LIMK2: variants seen among roughly 807,000 people sequenced by gnomAD.
The protein encoded by LIMK2 is LIM domain kinase 2.
Under a neutral mutation model 75.7 loss-of-function variants are expected in LIMK2, and 35 were observed. The ratio of observed to expected loss-of-function variants is 0.46; its 90% CI spans 0.35 to 0.61. LIMK2 has a LOEUF of 0.61. LIMK2 is among the 20% of genes least tolerant of loss of function. The pLI is 0.00. For synonymous variants in LIMK2, 301 were observed against 319.2 expected, an observed-to-expected ratio of 0.94 and a Z score of 0.61; for missense variants, 623 against 831.0, an observed-to-expected ratio of 0.75 and a Z score of 3.08.
At position 31,267,923 on chromosome 22, in the gene LIMK2, C is replaced by G; in HGVS notation, c.1260+16C>G. On this transcript the variant is annotated intron_variant, in intron 10 of 15. Transcript: ENST00000331728. ...GCGCAGTATGGTGAGCACACCACCC[C>G]ATAGTCTCCAGGAGCCTTGGTGGGT... The G allele has an allele frequency of 6.3e-7, 1 of 1,583,764 alleles. No homozygotes were observed. Among genetic ancestry groups the G allele is most frequent in the Non-Finnish European group, 8.6e-7 (1 of 1,166,918 alleles).
intron 7 of LIMK2, among the ~76,000 whole-genome samples, chr22:31,264,848 G>A (rs2048876093): frequency 6.6e-6 from 1 of 151,736 alleles, no homozygotes; most frequent in African/African-American, 2.4e-5. Context: ...CACAAGGTCA[G>A]GAGTTTGAGA....
chr22:31,243,869 T>C (rs1332219366), intron 2 of LIMK2, among the ~76,000 whole-genome samples: 1 of 152,222 alleles, frequency 6.6e-6, no homozygotes, highest in African/African-American at 2.4e-5. Flanking sequence ...CCCTTTGAAG[T>C]TGGCTCTGAG....
Position 31,268,154 on chromosome 22 carries a change from C to T in LIMK2, c.1271C>T (p.Pro424Leu). ...TTCCCCATTCTGCAGGATCCGTTCCCCTGGCAGCAGAAGGTCAGGTTTGCC... is the reference window on the plus strand; with the variant it reads ...TTCCCCATTCTGCAGGATCCGTTCCTCTGGCAGCAGAAGGTCAGGTTTGCC... Reference protein sequence around the residue: ...KDFLRSMDPFPWQQKVRFAKG... With the variant: ...KDFLRSMDPFLWQQKVRFAKG... Residue 424 changes from proline to leucine, a missense_variant, in exon 11 of 16, where the codon CCC becomes CTC. Around this residue, in one of 3 missense-constraint regions of LIMK2, gnomAD observed 514 missense variants for 661.3 expected, o/e 0.78. Coordinates refer to ENST00000331728, the MANE Select transcript of LIMK2 (RefSeq NM_005569.4). The T allele has an allele frequency of 6.2e-7, 1 of 1,614,022 alleles. No individual in the cohort carries two copies. Among genetic ancestry groups the T allele is most frequent in the Non-Finnish European group, 8.5e-7 (1 of 1,179,968 alleles).
chr22:31,256,792 A>G (rs552709761), intron 2 of LIMK2, among the ~76,000 whole-genome samples: 20 of 152,182 alleles, frequency 1.3e-4, no homozygotes, highest in African/African-American at 4.6e-4. Context: ...GCAATGTTCA[A>G]ACCTCTTGGA....
chr22:31,239,431 G>A (rs1432485722), intron 2 of LIMK2, among the ~76,000 whole-genome samples: 1 of 152,214 alleles, frequency 6.6e-6, no homozygotes, highest in South Asian at 2.1e-4. Flanking sequence ...GACCTGCTCA[G>A]CGTTATATGA....
chr22:31,254,693 T>G (rs1388430764), intron 2 of LIMK2, among the ~76,000 whole-genome samples: 5 of 152,314 alleles, frequency 3.3e-5, no homozygotes, highest in Non-Finnish European at 7.4e-5. Context: ...GCATAGTGGC[T>G]CACACCTGTA....
chr22:31,258,198 T>TC (rs1334872183), intron 2 of LIMK2, 93 bp from the exon 3 acceptor site: 5 of 1,321,236 alleles, frequency 3.8e-6, no homozygotes, highest in Non-Finnish European at 5.2e-6. Flanking sequence ...AAGAGGACTG[T>TC]CCATTTTGTT....
intron 1 of LIMK2, among the ~76,000 whole-genome samples, chr22:31,215,002 G>A (rs2048378716): frequency 6.6e-6 from 1 of 152,128 alleles, no homozygotes; most frequent in South Asian, 2.1e-4. Flanking sequence ...TTACCATGTT[G>A]CCCAGGCTGG....
At chr22:31,239,419 C>T (rs1251086747) in intron 2 of LIMK2, among the ~76,000 whole-genome samples, 1 of 152,264 alleles carries the variant, frequency 6.6e-6, no homozygotes, top group East Asian at 1.9e-4. Context: ...CTAGAGCTTA[C>T]AGACCTGCTC....
At position 31,262,060 on chromosome 22, in the gene LIMK2, T is replaced by C. The variant is rs1041600734; in HGVS notation, c.552-74T>C. On this transcript the variant is annotated intron_variant, in intron 5 of 15. Transcript: ENST00000331728. This position sits in a 1 kb window ranked among gnomAD's most constrained non-coding sequence, Gnocchi z 5.0. ...TGGTGGCCTGGGACCTGGTAAACCT[T>C]CCCTGCACAAGCAGAATTGGTCAAG... 40 of 1,255,364 alleles carry C rather than the reference T, an allele frequency of 3.2e-5. No homozygotes were observed. Among genetic ancestry groups the C allele is most frequent in the Middle Eastern group, 2.0e-4 (1 of 5,070 alleles). The allele number at this position is 1,255,364 out of a possible 1,614,324, so 77.8% of individuals were successfully genotyped here. A position where few individuals can be genotyped will look rare whatever the true frequency, so the allele number is the denominator to read the frequency against.
At chr22:31,225,066 T>A (rs2048467372) in intron 1 of LIMK2, among the ~76,000 whole-genome samples, 1 of 152,174 alleles carries the variant, frequency 6.6e-6, no homozygotes, top group East Asian at 1.9e-4. Context: ...CTTATGAGAA[T>A]CTCACTAATG....
At chr22:31,264,420 G>C (rs970553695) in intron 7 of LIMK2, among the ~76,000 whole-genome samples, 1 of 152,222 alleles carries the variant, frequency 6.6e-6, no homozygotes, top group African/African-American at 2.4e-5. Flanking sequence ...GAGAAAGTTC[G>C]CAGGGCTGTT....
At chr22:31,266,858 T>G (rs1569000123) in intron 8 of LIMK2, 126 bp from the exon 9 acceptor site, 4 of 687,620 alleles carry the variant, frequency 5.8e-6, no homozygotes, top group Non-Finnish European at 1.1e-5. Context: ...ACACATGAAC[T>G]CTGTCATTCT....
At chr22:31,213,627 G>A (rs940555543) in intron 1 of LIMK2, among the ~76,000 whole-genome samples, 1 of 152,172 alleles carries the variant, frequency 6.6e-6, no homozygotes, top group African/African-American at 2.4e-5. Context: ...TTTTTAGGCT[G>A]GGCGTGGTGG....
intron 8 of LIMK2, 71 bp downstream of exon 8, chr22:31,266,203 C>T (rs1445898317): frequency 1.6e-5 from 23 of 1,482,430 alleles, no homozygotes; most frequent in Non-Finnish European, 2.0e-5. Flanking sequence ...GGGGATTTCT[C>T]ATCACTTGGC....
rs376474277 is a variant in LIMK2, at chr22:31,250,420, C to T, written c.117-7871C>T. Reference sequence around the variant, plus strand: ...CAGATAGTGAACTCTCAACCTGAACCTTTAAGGGCCAGACCACTAATGCCA... The same window carrying T: ...CAGATAGTGAACTCTCAACCTGAACTTTTAAGGGCCAGACCACTAATGCCA... On this transcript the variant is annotated intron_variant, in intron 2 of 15. Transcript: ENST00000331728. Among the ~76,000 whole-genome samples the T allele has an allele frequency of 2.8e-4, 42 of 152,254 alleles. 1 individual carries two copies. In the East Asian group the frequency reaches 4.8e-3, roughly 18 times the overall value.
In LIMK2 at chr22:31,212,415, G is replaced by A. The variant is rs780556610; in HGVS notation, c.7G>A (p.Ala3Thr). 7.5e-7 allele frequency: 1 copy of A among 1,336,612 alleles called. No individual in the cohort carries two copies. The highest frequency in any genetic ancestry group is 9.7e-7 in the Non-Finnish European group (1 of 1,033,330). The allele number at this position is 1,336,612 out of a possible 1,614,324, so 82.8% of individuals were successfully genotyped here. The change falls in exon 1 of 16, where the codon GCG becomes ACG. Residue 3 changes from alanine to threonine, a missense_variant. By Grantham distance (58) the Ala-to-Thr change is moderately conservative (BLOSUM62 0). Transcript: ENST00000331728. MS[A>T]LAGEDVWRCP... ...TTTCCGCGCTCCCGGGACCATGTCCGCGCTGGCGGGTAAGGAAGGGCTGCT... is the reference window on the plus strand; with the variant it reads ...TTTCCGCGCTCCCGGGACCATGTCCACGCTGGCGGGTAAGGAAGGGCTGCT...
At position 31,260,053 on chromosome 22, in the gene LIMK2, A is replaced by G. The variant is rs1246012090; in HGVS notation, c.527A>G (p.Tyr176Cys). The change falls in exon 5 of 16, where the codon TAC (tyrosine) becomes TGC (cysteine). Residue 176 changes from tyrosine (Y) to cysteine (C), a missense_variant. Transcript: ENST00000331728. ...SVSVESACSNYATTVQVKEVN... is the reference protein window; with the variant it reads ...SVSVESACSNCATTVQVKEVN... Reference sequence around the variant, plus strand: ...TCCGTGGAGAGTGCCTGCTCCAACTACGCCACCACTGTGCAAGTGAAAGAG... The same window carrying G: ...TCCGTGGAGAGTGCCTGCTCCAACTGCGCCACCACTGTGCAAGTGAAAGAG... The G allele has an allele frequency of 6.3e-7, 1 of 1,592,498 alleles. No homozygotes were observed. Among genetic ancestry groups the G allele is most frequent in the Non-Finnish European group, 8.5e-7 (1 of 1,172,586 alleles).
intron 11 of LIMK2, among the ~76,000 whole-genome samples, chr22:31,268,486 G>A (rs1199621635): frequency 6.6e-6 from 1 of 152,192 alleles, no homozygotes; most frequent in Non-Finnish European, 1.5e-5. Flanking sequence ...GCCATCACAG[G>A]TATTCAGGTG....
Sources: allele counts gnomAD v4.1 joint callset (sites outside exome capture counted in the v4.1 genomes callset), GRCh38; gene constraint gnomAD v4.1.1; regional missense constraint gnomAD v4.1.1; non-coding constraint Gnocchi (gnomAD v3.1); transcripts MANE v1.5; gene names NCBI Gene and HGNC (gene_info 2026-07-23, HGNC 2026-07-21).